The following PPTC7 variants were observed in gnomAD, a reference collection of about 807,000 sequenced individuals.
The protein encoded by PPTC7 is protein phosphatase targeting COQ7.
Under a neutral mutation model 30.8 loss-of-function variants are expected in PPTC7, and 6 were observed. The observed-to-expected ratio is 0.19, with a 90% CI of 0.11 to 0.38. The LOEUF is 0.38. PPTC7 is among the 10% of genes least tolerant of loss of function. The pLI is 1.00. For synonymous variants in PPTC7, 163 were observed against 168.1 expected (o/e 0.97, Z 0.23); for missense variants, 218 against 404.8 (o/e 0.54, Z 3.96).
At chr12:110,541,107 T>G (rs1337921631) in intron 3 of PPTC7, among the ~76,000 whole-genome samples, 1 of 149,324 alleles carries the variant, frequency 6.7e-6, no homozygotes, top group Non-Finnish European at 1.5e-5. Context: ...CACTGCTGGG[T>G]GTGGTGGCTC....
At chr12:110,553,266 C>T (rs2064362528) in intron 1 of PPTC7, among the ~76,000 whole-genome samples, 1 of 151,700 alleles carries the variant, frequency 6.6e-6, no homozygotes, top group African/African-American at 2.4e-5. Flanking sequence ...TCTCCTGCCT[C>T]AGCCTCCCGA....
At chr12:110,554,458 C>G (rs1028793753) in intron 1 of PPTC7, among the ~76,000 whole-genome samples, 2 of 152,100 alleles carry the variant, frequency 1.3e-5, no homozygotes, top group Non-Finnish European at 2.9e-5. Context: ...GGATTACAGG[C>G]GTGAGCCACC....
chr12:110,573,441 T>C (rs1182299425), intron 1 of PPTC7, among the ~76,000 whole-genome samples: 2 of 151,968 alleles, frequency 1.3e-5, no homozygotes, highest in Non-Finnish European at 2.9e-5. Flanking sequence ...GCTTCTGGAG[T>C]CACACACTAT....
At chr12:110,549,514 T>C (rs2064335368) in intron 2 of PPTC7, among the ~76,000 whole-genome samples, 2 of 152,178 alleles carry the variant, frequency 1.3e-5, no homozygotes, top group South Asian at 4.1e-4. Context: ...CCTAGAGATG[T>C]GTAGATTTTG....
At chr12:110,550,214 CAG>C (rs1047779763) in intron 2 of PPTC7, among the ~76,000 whole-genome samples, 21 of 149,294 alleles carry the variant, frequency 1.4e-4, no homozygotes, top group African/African-American at 4.9e-4. Context: ...TAACGCTAAA[CAG>C]GGGCTGATTT....
At chr12:110,542,673 C>CGA (rs1220409573) in intron 3 of PPTC7, among the ~76,000 whole-genome samples, 2 of 26,776 alleles carry the variant, frequency 7.5e-5, no homozygotes, top group Non-Finnish European at 1.3e-4. Flanking sequence ...GACTCTGTCT[C>CGA]AAAAAAAAAA....
intron 2 of PPTC7, among the ~76,000 whole-genome samples, chr12:110,549,282 G>A (rs756592839): frequency 3.9e-5 from 6 of 152,048 alleles, no homozygotes; most frequent in East Asian, 3.9e-4. Flanking sequence ...AGACCCAAAC[G>A]CAGCTAGAAA....
intron 1 of PPTC7, among the ~76,000 whole-genome samples, chr12:110,577,272 T>A (rs902983019): frequency 2.0e-5 from 3 of 150,396 alleles, no homozygotes; most frequent in Non-Finnish European, 4.4e-5. Flanking sequence ...CCTGCACATG[T>A]ATCCTGGAAT....
At chr12:110,558,648 C>CG (rs1243666325) in intron 1 of PPTC7, among the ~76,000 whole-genome samples, 1 of 152,224 alleles carries the variant, frequency 6.6e-6, no homozygotes, top group African/African-American at 2.4e-5. Flanking sequence ...TTTTTTGAGA[C>CG]GGAGTCTCGC....
chr12:110,563,122 C>CAAAAAAA (rs766517371), intron 1 of PPTC7, among the ~76,000 whole-genome samples: 34 of 43,078 alleles, frequency 7.9e-4, no homozygotes, highest in Middle Eastern at 0.021. Context: ...GACTCCATCT[C>CAAAAAAA]AAAAAAAAAA....
intron 3 of PPTC7, among the ~76,000 whole-genome samples, chr12:110,542,046 C>T (rs1483500967): frequency 6.6e-6 from 1 of 151,162 alleles, no homozygotes; most frequent in Non-Finnish European, 1.5e-5. Context: ...CTTGGGAGGC[C>T]GACACAGGAG....
intron 1 of PPTC7, among the ~76,000 whole-genome samples, chr12:110,564,394 T>C (rs2064462738): frequency 6.6e-6 from 1 of 152,204 alleles, no homozygotes; most frequent in Admixed American, 6.5e-5. Flanking sequence ...TAACAAGCAA[T>C]TAAGACCAGC....
At chr12:110,580,698 C>T (rs1229934899) in intron 1 of PPTC7, among the ~76,000 whole-genome samples, 4 of 152,032 alleles carry the variant, frequency 2.6e-5, no homozygotes. Flanking sequence ...TTTAAATACT[C>T]CCCAAATCAT....
At chr12:110,580,778 G>A (rs1178606964) in intron 1 of PPTC7, among the ~76,000 whole-genome samples, 2 of 151,858 alleles carry the variant, frequency 1.3e-5, no homozygotes, top group African/African-American at 4.8e-5. Context: ...TTGAGACGGA[G>A]TCTCGCACTG....
At chr12:110,573,905 C>A (rs1470690032) in intron 1 of PPTC7, among the ~76,000 whole-genome samples, 1 of 151,828 alleles carries the variant, frequency 6.6e-6, no homozygotes, top group Non-Finnish European at 1.5e-5. Context: ...CGCTTGAACC[C>A]GGGAGGCGGA....
At chr12:110,572,894 T>C (rs2064551420) in intron 1 of PPTC7, among the ~76,000 whole-genome samples, 1 of 150,690 alleles carries the variant, frequency 6.6e-6, no homozygotes, top group African/African-American at 2.4e-5. Flanking sequence ...TATTTATTTA[T>C]TTTTGAGACG....
chr12:110,543,681 T>A (rs2064282625), intron 3 of PPTC7, among the ~76,000 whole-genome samples: 1 of 152,180 alleles, frequency 6.6e-6, no homozygotes, highest in South Asian at 2.1e-4. Context: ...GGACAGTTCG[T>A]CCTCTCCTAA....
chr12:110,558,250 C>A (rs1593155213), intron 1 of PPTC7, among the ~76,000 whole-genome samples: 1 of 152,082 alleles, frequency 6.6e-6, no homozygotes, highest in African/African-American at 2.4e-5. Context: ...TTGCGGCTGG[C>A]AAGGCAAGTT....
chr12:110,546,054 A>G lies in PPTC7; in HGVS notation c.428T>C (p.Val143Ala). The G allele has an allele frequency of 6.2e-7, 1 of 1,614,090 alleles. No homozygotes were observed. Among genetic ancestry groups the G allele is most frequent in the Non-Finnish European group, 8.5e-7 (1 of 1,180,008 alleles). Reference sequence around the variant, plus strand: ...TAAGCGGTGGCTGGTTCTGTCCAGCACCACAATGCAGGCGGTGCTGCTACC... The same window carrying G: ...TAAGCGGTGGCTGGTTCTGTCCAGCGCCACAATGCAGGCGGTGCTGCTACC... ...LLGSSTACIV[V>A]LDRTSHRLHT... is the part of the protein sequence containing the mutation. Residue 143 changes from valine to alanine, a missense_variant, in exon 3 of 6, where the codon GTG becomes GCG. Transcript: ENST00000354300.
Sources: allele counts gnomAD v4.1 joint callset (sites outside exome capture counted in the v4.1 genomes callset), GRCh38; gene constraint gnomAD v4.1.1; transcripts MANE v1.5; gene names NCBI Gene and HGNC (gene_info 2026-07-23, HGNC 2026-07-21).